HK1: variants seen among roughly 807,000 people sequenced by gnomAD.
HK1 encodes the protein hexokinase-1.
Under a neutral mutation model 91.6 loss-of-function variants are expected in HK1, and 28 were observed. That is an observed-to-expected ratio of 0.31 (90% CI 0.23 to 0.42). The LOEUF is 0.42. HK1 is among the 10% of genes least tolerant of loss of function. The pLI is 1.00. For missense variants in HK1, 770 were observed against 1,219.8 expected, an observed-to-expected ratio of 0.63 and a Z score of 5.49; for synonymous variants, 430 against 468.1, an observed-to-expected ratio of 0.92 and a Z score of 1.05.
intron 1 of HK1, chr10:69,338,577 T>C (rs904814007): frequency 4.7e-6 from 6 of 1,288,590 alleles, no homozygotes; most frequent in Non-Finnish European, 6.1e-6. Flanking sequence ...CCAAATGGAG[T>C]GTGGGGAGGG....
intron 5 of HK1, among the ~76,000 whole-genome samples, chr10:69,309,764 C>T (rs1273386082): frequency 1.4e-5 from 2 of 142,830 alleles, no homozygotes; most frequent in Non-Finnish European, 3.0e-5. Context: ...TTGCACCACT[C>T]GGCCAGGCGA....
intron 1 of HK1, among the ~76,000 whole-genome samples, chr10:69,325,504 C>T (rs1411999560): frequency 6.6e-6 from 1 of 151,532 alleles, no homozygotes; most frequent in Non-Finnish European, 1.5e-5. Flanking sequence ...ATTACAGGCA[C>T]CAGCCAATGC....
chr10:69,350,529 G>A (rs1848793882), intron 2 of HK1, among the ~76,000 whole-genome samples: 1 of 151,960 alleles, frequency 6.6e-6, no homozygotes, highest in Non-Finnish European at 1.5e-5. Flanking sequence ...GGGCGTGGTG[G>A]TGCATGCCTG....
At chr10:69,357,481 C>T (rs888443015) in intron 2 of HK1, among the ~76,000 whole-genome samples, 30 of 152,072 alleles carry the variant, frequency 2.0e-4, no homozygotes, top group African/African-American at 6.5e-4. Context: ...GACAGGGCCT[C>T]GCTCTGTTGC....
chr10:69,340,132 G>A (rs10159477), intron 1 of HK1, among the ~76,000 whole-genome samples: 20,444 of 152,162 alleles, frequency 0.13, 1,519 homozygotes, highest in African/African-American at 0.16. Flanking sequence ...GGGAACTCAC[G>A]CAGTATCATA....
upstream of HK1, among the ~76,000 whole-genome samples, chr10:69,313,725 G>A (rs112980412): frequency 0.026 from 4,018 of 152,160 alleles, 163 homozygotes; most frequent in African/African-American, 0.091. Context: ...TCGAACTCCC[G>A]ACCAGATGAT....
chr10:69,356,654 G>T (rs1024693991), intron 2 of HK1, among the ~76,000 whole-genome samples: 1 of 152,222 alleles, frequency 6.6e-6, no homozygotes, highest in East Asian at 1.9e-4. Flanking sequence ...GGAGGCCGAC[G>T]CAGGCGGATC....
Position 69,299,955 on chromosome 10 carries a change from C to T in HK1, c.-66-814C>T, listed in dbSNP as rs114650829. Among the ~76,000 whole-genome samples the T allele has an allele frequency of 2.9e-3, 435 of 151,512 alleles. 12 individuals carry two copies. The highest frequency in any genetic ancestry group is 0.017 in the Middle Eastern group (5 of 294). ...GATTACAGGCCTCAGCCACCGTACCCGGCCTATTTTTAATTTTTTTTTTCA... is the reference window on the plus strand; with the variant it reads ...GATTACAGGCCTCAGCCACCGTACCTGGCCTATTTTTAATTTTTTTTTTCA... On this transcript the variant is annotated intron_variant, in intron 4 of 21. Transcript: ENST00000360289.
At chr10:69,291,400 T>C (rs1214869094) in intron 3 of HK1, among the ~76,000 whole-genome samples, 1 of 152,238 alleles carries the variant, frequency 6.6e-6, no homozygotes. Flanking sequence ...TAGTTCTTAT[T>C]GCCTGGAGCC....
chr10:69,318,766 G>A (rs766234780), upstream of HK1: 1 of 1,236,338 alleles, frequency 8.1e-7, no homozygotes. Context: ...TCACCCTCCA[G>A]GGGACGGGAG....
intron 4 of HK1, among the ~76,000 whole-genome samples, chr10:69,298,688 G>A (rs1845695999): frequency 6.6e-6 from 1 of 151,722 alleles, no homozygotes; most frequent in Non-Finnish European, 1.5e-5. Context: ...GAGAAAATAA[G>A]ATGGCTGATA....
chr10:69,368,481 T>G (rs1849821001), intron 4 of HK1, 55 bp from the exon 5 acceptor site: 1 of 1,465,904 alleles, frequency 6.8e-7, no homozygotes, highest in Non-Finnish European at 9.6e-7. Context: ...CCCAGGGCCT[T>G]GGGGTGCTGG....
At chr10:69,279,444 T>A (rs1844629934) in intron 1 of HK1, among the ~76,000 whole-genome samples, 1 of 152,210 alleles carries the variant, frequency 6.6e-6, no homozygotes, top group African/African-American at 2.4e-5. Context: ...GAGAAGAAAT[T>A]GAGTAGTGCC....
At chr10:69,295,451 G>A (rs1330659294) in intron 3 of HK1, among the ~76,000 whole-genome samples, 4 of 152,200 alleles carry the variant, frequency 2.6e-5, no homozygotes, top group African/African-American at 9.7e-5. Context: ...ACATGACTGA[G>A]CTCTGCTGCA....
intron 1 of HK1, among the ~76,000 whole-genome samples, chr10:69,325,600 A>G (rs1847308976): frequency 6.8e-6 from 1 of 146,848 alleles, no homozygotes; most frequent in South Asian, 2.2e-4. Context: ...ATCTCAGCTC[A>G]CTGAAACCTC....
At position 69,398,685 on chromosome 10, in the gene HK1, G is replaced by T. The variant is rs144185641; in HGVS notation, c.2466G>T (p.Val822=). The T allele has an allele frequency of 2.6e-4, 421 of 1,614,112 alleles. No homozygotes were observed. The highest frequency in any genetic ancestry group is 3.4e-4 in the Non-Finnish European group (402 of 1,180,038). The change falls in exon 17 of 18, where the codon GTG becomes GTT. Residue 822 remains valine, a synonymous_variant. Coordinates refer to ENST00000359426, the MANE Select transcript of HK1 (RefSeq NM_000188.3). ...ATGACAGTATCCTCGTCAAGACAGT[G>T]TGCGGGGTGGTGTCCAGGAGGGCCG... is the stretch of plus-strand genomic sequence containing the variant. ...TCDDSILVKT[V]CGVVSRRAAQ... is the part of the protein sequence containing the mutation.
chr10:69,392,865 C>T (rs190921204), intron 15 of HK1, among the ~76,000 whole-genome samples: 5 of 152,352 alleles, frequency 3.3e-5, no homozygotes, highest in African/African-American at 1.2e-4. Flanking sequence ...GAAAGAAGGG[C>T]TGGAGCAGCA....
chr10:69,310,051 AT>A (rs67329729), intron 5 of HK1, among the ~76,000 whole-genome samples: 14,898 of 143,540 alleles, frequency 0.1, 1,050 homozygotes, highest in Admixed American at 0.18. Context: ...ACTCCATCTC[AT>A]AAAAAAAAAA....
chr10:69,295,069 AT>A (rs1452321285), intron 3 of HK1, among the ~76,000 whole-genome samples: 7 of 151,152 alleles, frequency 4.6e-5, no homozygotes, highest in African/African-American at 1.5e-4. Context: ...AAAAAAAAAA[AT>A]AGCGAGGGGA....
Sources: allele counts gnomAD v4.1 joint callset (sites outside exome capture counted in the v4.1 genomes callset), GRCh38; gene constraint gnomAD v4.1.1; transcripts MANE v1.5; gene names NCBI Gene and HGNC (gene_info 2026-07-23, HGNC 2026-07-21).